SUPT3H: variants seen among roughly 807,000 people sequenced by gnomAD.
SUPT3H encodes transcription initiation protein SPT3 homolog.
A neutral mutation model predicts 44.3 loss-of-function variants in SUPT3H; 44 were observed. That is an observed-to-expected ratio of 0.99 (90% CI 0.78 to 1.28). The LOEUF (loss-of-function observed/expected upper bound fraction) is 1.28. Among genes scored for constraint, SUPT3H ranks in the 50% most tolerant of loss-of-function variants. The pLI is 0.00. For synonymous variants in SUPT3H, 124 were observed against 125.6 expected, an observed-to-expected ratio of 0.99 and a Z score of 0.09; for missense variants, 380 against 387.1, an observed-to-expected ratio of 0.98 and a Z score of 0.15.
intron 10 of SUPT3H, among the ~76,000 whole-genome samples, chr6:44,881,525 G>A (rs6940547): frequency 0.42 from 63,061 of 151,616 alleles, 13,432 homozygotes; most frequent in East Asian, 0.69. Context: ...ACTCAGCTCT[G>A]GACCAAGTGG....
At chr6:44,943,649 G>GA (rs1239540591) in intron 9 of SUPT3H, among the ~76,000 whole-genome samples, 1 of 151,918 alleles carries the variant, frequency 6.6e-6, no homozygotes, top group African/African-American at 2.4e-5. Context: ...AGCATCCAGA[G>GA]AAAACAACAC....
At chr6:44,849,227 T>TAA (rs1381191099) in intron 10 of SUPT3H, among the ~76,000 whole-genome samples, 4,761 of 139,184 alleles carry the variant, frequency 0.034, 179 homozygotes, top group South Asian at 0.13. Context: ...ATACTTTTTT[T>TAA]TTTTTTTTTT....
intron 3 of SUPT3H, chr6:45,097,591 A>T (rs1348266846): frequency 6.6e-6 from 1 of 152,230 alleles, no homozygotes; most frequent in African/African-American, 2.4e-5. Flanking sequence ...GACATCTCAA[A>T]GAGATCCACT....
intron 1 of SUPT3H, among the ~76,000 whole-genome samples, chr6:45,366,232 A>G (rs1293193767): frequency 6.6e-6 from 1 of 152,216 alleles, no homozygotes; most frequent in Non-Finnish European, 1.5e-5. Flanking sequence ...GATAAAGTAA[A>G]GCAGTGCAGA....
chr6:44,826,231 C>T (rs1042810731), downstream of SUPT3H, among the ~76,000 whole-genome samples: 7 of 152,140 alleles, frequency 4.6e-5, no homozygotes, highest in African/African-American at 1.4e-4. Context: ...GGCTAGATGC[C>T]CTCTGCAGAA....
intron 10 of SUPT3H, among the ~76,000 whole-genome samples, chr6:44,869,199 G>T (rs1483187589): frequency 1.3e-5 from 2 of 151,798 alleles, no homozygotes; most frequent in African/African-American, 4.8e-5. Flanking sequence ...AGGCTGCTTT[G>T]TCTTTTTTTT....
At chr6:45,333,722 T>A in intron 2 of SUPT3H, among the ~76,000 whole-genome samples, 1 of 151,318 alleles carries the variant, frequency 6.6e-6, no homozygotes, top group East Asian at 1.9e-4. Context: ...AAAACAGGCC[T>A]TTAAAGGCTA....
intron 2 of SUPT3H, among the ~76,000 whole-genome samples, chr6:45,106,817 T>C (rs2153571799): frequency 6.6e-6 from 1 of 152,336 alleles, no homozygotes; most frequent in Middle Eastern, 3.4e-3. Flanking sequence ...ATTACAGGCA[T>C]GAGTCACCAC....
rs567353379 is a variant in SUPT3H, at chr6:45,320,762, A to T, written c.101+44439T>A. Reference sequence around the variant, plus strand: ...AAAGTGTGTCAATTCCTGGTAGGGCATCAACTAGTATAACACAAATTCAAA... The same window carrying T: ...AAAGTGTGTCAATTCCTGGTAGGGCTTCAACTAGTATAACACAAATTCAAA... On this transcript the variant is annotated intron_variant, in intron 2 of 10. Transcript: ENST00000371459. Among the ~76,000 whole-genome samples, 9 of 152,332 alleles carry T rather than the reference A, an allele frequency of 5.9e-5. No individual in the cohort carries two copies. In the East Asian group the frequency reaches 1.7e-3, roughly 29 times the overall value.
intron 2 of SUPT3H, among the ~76,000 whole-genome samples, chr6:45,173,126 C>A (rs1210131667): frequency 6.6e-6 from 1 of 152,090 alleles, no homozygotes; most frequent in East Asian, 1.9e-4. Flanking sequence ...CTGGTAAATT[C>A]TTGGTGGATT....
At chr6:44,832,576 T>TC (rs1395867860) in intron 10 of SUPT3H, among the ~76,000 whole-genome samples, 2 of 152,202 alleles carry the variant, frequency 1.3e-5, no homozygotes, top group African/African-American at 4.8e-5. Flanking sequence ...CATCAGTTGC[T>TC]CCTTTGTGAA....
At position 44,847,989 on chromosome 6, in the gene SUPT3H, T is replaced by G. The variant is rs1002327518; in HGVS notation, c.913-18132A>C. Among the ~76,000 whole-genome samples, 8 of 122,328 alleles carry G rather than the reference T, an allele frequency of 6.5e-5. 1 individual carries two copies. Among genetic ancestry groups the G allele is most frequent in the African/African-American group, 2.5e-4 (8 of 31,502 alleles). 80.3% of individuals were successfully genotyped at this position (122,328 alleles called of 152,430 possible). On this transcript the variant is annotated intron_variant, in intron 10 of 10. Coordinates refer to ENST00000371459, the MANE Select transcript of SUPT3H (RefSeq NM_003599.4). The stretch of plus-strand genomic sequence containing the variant: ...TTTTTTTTTTTTTTTTTTTTTGAGA[T>G]GGAGTCTGGCTCTGTTATCCAGGCT...
At position 44,941,781 on chromosome 6, in the gene SUPT3H, G is replaced by A. The variant is rs75006888; in HGVS notation, c.802-9018C>T. On this transcript the variant is annotated intron_variant, in intron 9 of 10. Coordinates refer to ENST00000371459, the MANE Select transcript of SUPT3H (RefSeq NM_003599.4). ...TCAAATTTCTTGGCTTGTAATACAC[G>A]TAGTGAGTGTAGAGATTTTATTATT... 5.3e-3 allele frequency among the ~76,000 whole-genome samples: 810 copies of A among 152,264 alleles called. 5 individuals are homozygous for A. The highest frequency in any genetic ancestry group is 0.018 in the African/African-American group (755 of 41,556).
chr6:44,955,987 T>G (rs189892790), intron 7 of SUPT3H, among the ~76,000 whole-genome samples: 154 of 150,338 alleles, frequency 1.0e-3, no homozygotes, highest in African/African-American at 3.6e-3. Flanking sequence ...CCAGGCATGG[T>G]AGCGGGTGCC....
chr6:45,107,936 C>T lies in SUPT3H; in HGVS notation c.102-1930G>A, dbSNP rs148919325. On this transcript the variant is annotated intron_variant, in intron 2 of 10. Coordinates refer to ENST00000371459, the MANE Select transcript of SUPT3H (RefSeq NM_003599.4). ...AGGACAACAAAAATCTTACCAAATG[C>T]TTAGTCATTTTTGAAAAAGTACTAA... Among the ~76,000 whole-genome samples the T allele has an allele frequency of 9.9e-5, 15 of 151,198 alleles. 1 individual carries two copies. The East Asian group carries it at 1.9e-3, about 19-fold the overall frequency.
intron 2 of SUPT3H, among the ~76,000 whole-genome samples, chr6:45,193,675 C>T (rs1200431501): frequency 6.6e-6 from 1 of 152,116 alleles, no homozygotes; most frequent in Non-Finnish European, 1.5e-5. Context: ...GAGATCGTGT[C>T]ATTGCACTCC....
At position 45,181,922 on chromosome 6, in the gene SUPT3H, A is replaced by G. The variant is rs62436790; in HGVS notation, c.102-75916T>C. On this transcript the variant is annotated intron_variant, in intron 2 of 10. Coordinates refer to ENST00000371459, the MANE Select transcript of SUPT3H (RefSeq NM_003599.4). ...AAATAATAAAACTATACCTTGTCTA[A>G]TAAAACTGCTTTTGAAAGTGCTAAG... is the stretch of plus-strand genomic sequence containing the variant. 6.9e-3 allele frequency among the ~76,000 whole-genome samples: 1,043 copies of G among 152,008 alleles called. 8 individuals are homozygous for G. The highest frequency in any genetic ancestry group is 8.7e-3 in the Non-Finnish European group (588 of 67,974).
intron 4 of SUPT3H, among the ~76,000 whole-genome samples, chr6:45,017,247 C>A (rs1484120403): frequency 2.0e-5 from 3 of 148,746 alleles, no homozygotes; most frequent in Non-Finnish European, 4.5e-5. Flanking sequence ...GGATATTAGC[C>A]CTTTGTCAGA....
At chr6:45,102,938 C>CA (rs1191808733) in intron 3 of SUPT3H, among the ~76,000 whole-genome samples, 4 of 119,012 alleles carry the variant, frequency 3.4e-5, no homozygotes, top group Middle Eastern at 4.8e-3. Flanking sequence ...GACTCCGTCT[C>CA]AAAAAAAAGA....
Sources: allele counts gnomAD v4.1 joint callset (sites outside exome capture counted in the v4.1 genomes callset), GRCh38; gene constraint gnomAD v4.1.1; transcripts MANE v1.5; gene names NCBI Gene and HGNC (gene_info 2026-07-23, HGNC 2026-07-21).